Variants in CSMD1 observed in about 807,000 individuals in gnomAD.
CSMD1 encodes CUB and Sushi multiple domains 1.
In CSMD1, 213 loss-of-function variants were observed where a neutral mutation model predicts 417.5. The observed-to-expected ratio is 0.51, with a 90% CI of 0.46 to 0.57. The LOEUF (loss-of-function observed/expected upper bound fraction) is 0.57. CSMD1 is among the 20% of genes least tolerant of loss of function. CSMD1 has a pLI of 0.00. For synonymous variants in CSMD1, 2,862 were observed against 1,736.8 expected (o/e 1.65, Z -16.11); for missense variants, 6,923 against 4,529.7 (o/e 1.53, Z -15.17).
intron 2 of CSMD1, among the ~76,000 whole-genome samples, chr8:4,544,095 T>A (rs1797531457): frequency 6.6e-6 from 1 of 152,204 alleles, no homozygotes; most frequent in African/African-American, 2.4e-5. Context: ...TCTTTTAACA[T>A]TGTCTTTCTT....
chr8:4,606,361 A>G (rs1311425431), intron 2 of CSMD1, among the ~76,000 whole-genome samples: 1 of 152,144 alleles, frequency 6.6e-6, no homozygotes, highest in African/African-American at 2.4e-5. Context: ...GGAGAGAAAA[A>G]AAAAAAAGAG....
chr8:4,318,980 T>C (rs1268444480), intron 3 of CSMD1, among the ~76,000 whole-genome samples: 2 of 152,174 alleles, frequency 1.3e-5, no homozygotes, highest in Non-Finnish European at 2.9e-5. Flanking sequence ...CAATCTATCA[T>C]CTTCATATTA....
intron 1 of CSMD1, among the ~76,000 whole-genome samples, chr8:4,851,610 G>A (rs1019566728): frequency 6.6e-6 from 1 of 152,012 alleles, no homozygotes; most frequent in African/African-American, 2.4e-5. Context: ...CCAACTCCAT[G>A]TGGGAGTTTC....
chr8:3,899,789 G>T (rs1807608489), intron 5 of CSMD1, among the ~76,000 whole-genome samples: 1 of 152,174 alleles, frequency 6.6e-6, no homozygotes, highest in Non-Finnish European at 1.5e-5. Context: ...GACCTGACTG[G>T]AAGGTGACAG....
At chr8:4,237,838 C>G (rs1802159698) in intron 3 of CSMD1, among the ~76,000 whole-genome samples, 1 of 152,126 alleles carries the variant, frequency 6.6e-6, no homozygotes, top group Non-Finnish European at 1.5e-5. Flanking sequence ...AAAAGGGAAG[C>G]TTTATATTGT....
intron 50 of CSMD1, among the ~76,000 whole-genome samples, chr8:3,043,138 T>C (rs114456167): frequency 0.018 from 2,642 of 148,496 alleles, 166 homozygotes; most frequent in African/African-American, 0.064. Flanking sequence ...TACATATATA[T>C]AGTGATATAC....
rs531384465 is a variant in CSMD1, at chr8:4,464,325, T to G, written c.303-44260A>C. 3.3e-4 allele frequency among the ~76,000 whole-genome samples: 51 copies of G among 152,308 alleles called. No individual in the cohort carries two copies. The South Asian group carries it at 1.0e-2, about 30-fold the overall frequency. ...TGGACAGACGCTCTTCAACTTACAG[T>G]GCGGTTATGTTCTAATAAAAACATT... On this transcript the variant is annotated intron_variant, in intron 2 of 69. Transcript: ENST00000635120.
At chr8:3,130,777 T>G (rs1386497451) in intron 41 of CSMD1, among the ~76,000 whole-genome samples, 1 of 151,944 alleles carries the variant, frequency 6.6e-6, no homozygotes, top group Non-Finnish European at 1.5e-5. Flanking sequence ...ATCACCCCAA[T>G]CATTTCCTCC....
intron 2 of CSMD1, among the ~76,000 whole-genome samples, chr8:4,437,059 T>C (rs914509671): frequency 2.6e-5 from 4 of 152,150 alleles, no homozygotes; most frequent in Admixed American, 6.5e-5. Flanking sequence ...CAAGGTAATT[T>C]AATGGGACAG....
intron 3 of CSMD1, among the ~76,000 whole-genome samples, chr8:4,352,848 T>C (rs1801176443): frequency 6.6e-6 from 1 of 152,186 alleles, no homozygotes; most frequent in Non-Finnish European, 1.5e-5. Context: ...AGATTGGACC[T>C]GTTTCTCTTT....
At chr8:3,231,958 G>A (rs148905170) in intron 26 of CSMD1, among the ~76,000 whole-genome samples, 1 of 152,186 alleles carries the variant, frequency 6.6e-6, no homozygotes, top group Non-Finnish European at 1.5e-5. Flanking sequence ...GCAAGAAGCT[G>A]TCTTCACCAC....
chr8:4,172,920 G>C (rs1261892226), intron 3 of CSMD1, among the ~76,000 whole-genome samples: 2 of 152,136 alleles, frequency 1.3e-5, no homozygotes, highest in Admixed American at 6.5e-5. Flanking sequence ...CCAGCAACAA[G>C]TTAACAGCAA....
At chr8:4,446,757 G>GTC (rs1427094693) in intron 2 of CSMD1, among the ~76,000 whole-genome samples, 73 of 26,284 alleles carry the variant, frequency 2.8e-3, no homozygotes, top group South Asian at 0.022. Context: ...GTGTGTGTCT[G>GTC]TGTGTGTGTG....
At position 3,792,319 on chromosome 8, in the gene CSMD1, G is replaced by T. The variant is rs148840926; in HGVS notation, c.819-38277C>A. Among the ~76,000 whole-genome samples, 23 of 151,986 alleles carry T rather than the reference G, an allele frequency of 1.5e-4. No individual in the cohort carries two copies. In the East Asian group the frequency reaches 4.1e-3, roughly 27 times the overall value. ...AAAAGAAGAAGAAAAAAACTTCCTG[G>T]GAGATAATAATAATAAAATCAATGA... On this transcript the variant is annotated intron_variant, in intron 5 of 69. Coordinates refer to ENST00000635120, the MANE Select transcript of CSMD1 (RefSeq NM_033225.6).
At chr8:3,619,131 A>G (rs13277612) in intron 7 of CSMD1, among the ~76,000 whole-genome samples, 79,574 of 150,426 alleles carry the variant, frequency 0.53, 20,996 homozygotes, top group Middle Eastern at 0.61. Flanking sequence ...TAAGGTCCCA[A>G]TGAGAAGATG....
At chr8:3,895,866 A>C (rs1807322921) in intron 5 of CSMD1, among the ~76,000 whole-genome samples, 1 of 152,158 alleles carries the variant, frequency 6.6e-6, no homozygotes, top group Non-Finnish European at 1.5e-5. Flanking sequence ...GTCGGATGGG[A>C]ATAGTCAGGT....
chr8:3,485,538 C>CAGAGAGAGAGAG (rs55757538), intron 11 of CSMD1, among the ~76,000 whole-genome samples: 6 of 135,024 alleles, frequency 4.4e-5, no homozygotes, highest in African/African-American at 1.5e-4. Flanking sequence ...CACACACACA[C>CAGAGAGAGAGAG]AGAGAGAGAG....
intron 3 of CSMD1, among the ~76,000 whole-genome samples, chr8:4,284,228 C>A (rs140246487): frequency 6.6e-6 from 1 of 152,024 alleles, no homozygotes; most frequent in Non-Finnish European, 1.5e-5. Context: ...ATTAGCTGGG[C>A]GTGGTGGCAC....
intron 40 of CSMD1, among the ~76,000 whole-genome samples, chr8:3,149,803 G>A (rs1819080978): frequency 6.6e-6 from 1 of 152,166 alleles, no homozygotes; most frequent in Admixed American, 6.6e-5. Flanking sequence ...ATAGAAAGGA[G>A]GAAACTGGAG....
Sources: gnomAD v4.1 joint callset for allele counts (sites outside exome capture counted in the v4.1 genomes callset) on GRCh38, gnomAD v4.1.1 for gene constraint, MANE v1.5 for transcripts, NCBI Gene and HGNC (gene_info 2026-07-23, HGNC 2026-07-21) for gene names.